TGM4: variants seen among roughly 807,000 people sequenced by gnomAD.
TGM4 encodes the protein transglutaminase 4, also known as protein-glutamine gamma-glutamyltransferase 4.
In TGM4, 61 loss-of-function variants were observed where a neutral mutation model predicts 76.3. The ratio of observed to expected loss-of-function variants is 0.80; its 90% CI spans 0.65 to 0.99. The LOEUF (loss-of-function observed/expected upper bound fraction) is 0.99. Ranked by LOEUF, TGM4 falls within the 50% of genes least tolerant of loss-of-function variation. TGM4 has a pLI of 0.00. For synonymous variants in TGM4, 337 were observed against 329.8 expected, an observed-to-expected ratio of 1.02 and a Z score of -0.24; for missense variants, 794 against 843.2, an observed-to-expected ratio of 0.94 and a Z score of 0.72.
rs769885940 is a variant in TGM4, at chr3:44,910,329, CTG to C, written c.1572_1573del (p.Cys524Ter). ...QLYTGKKMAKLCDLNKTSQIQ... is the reference protein window; with the variant it reads ...QLYTGKKMAKXCDLNKTSQIQ... ...GTACACTGGCAAGAAGATGGCAAAA[CTG>C]TGTGACCTCAATAAGACCTCGCAGA... On this transcript the variant is annotated frameshift_variant, in exon 11 of 14. Transcript: ENST00000296125. LOFTEE classifies it high-confidence loss of function. 6.2e-7 allele frequency: 1 copy of C among 1,614,160 alleles called. No homozygotes were observed. Among genetic ancestry groups the C allele is most frequent in the Non-Finnish European group, 8.5e-7 (1 of 1,180,044 alleles).
In TGM4 at chr3:44,882,113, G is replaced by A. The variant is rs114134031; in HGVS notation, c.20-3212G>A. On this transcript the variant is annotated intron_variant, in intron 1 of 13. Transcript: ENST00000296125. ...GTCTCACTTTGTTGCCCAGGCTGGC[G>A]TGTTGTGGCTATTCACAGCTGCAAT... 2.2e-3 allele frequency among the ~76,000 whole-genome samples: 306 copies of A among 137,212 alleles called. 1 individual carries two copies. Among genetic ancestry groups the A allele is most frequent in the Non-Finnish European group, 3.6e-3 (240 of 66,044 alleles). 90.0% of individuals were successfully genotyped at this position (137,212 alleles called of 152,430 possible).
At position 44,914,060 on chromosome 3, in the gene TGM4, T is replaced by G. The variant is rs1195567234; in HGVS notation, c.*335T>G. On this transcript the variant is annotated 3_prime_UTR_variant, in exon 14 of 14. Coordinates refer to ENST00000296125, the MANE Select transcript of TGM4 (RefSeq NM_003241.4). Reference sequence around the variant, plus strand: ...AGAGTCTCTCCCTGGAGCAGCAGACTATGGGCAGCCCAGTGCTGCCACCTG... The same window carrying G: ...AGAGTCTCTCCCTGGAGCAGCAGACGATGGGCAGCCCAGTGCTGCCACCTG... 3 of 231,396 alleles carry G rather than the reference T, an allele frequency of 1.3e-5. No individual in the cohort carries two copies. Among genetic ancestry groups the G allele is most frequent in the Non-Finnish European group, 2.5e-5 (3 of 118,042 alleles). 14.3% of individuals were successfully genotyped at this position (231,396 alleles called of 1,614,324 possible).
intron 1 of TGM4, among the ~76,000 whole-genome samples, chr3:44,875,990 G>T (rs1470367730): frequency 6.6e-6 from 1 of 152,192 alleles, no homozygotes; most frequent in Non-Finnish European, 1.5e-5. Context: ...CTGTGGCTTT[G>T]GGCAGGTTAC....
At chr3:44,895,696 G>A (rs1699770289) in intron 5 of TGM4, among the ~76,000 whole-genome samples, 1 of 152,170 alleles carries the variant, frequency 6.6e-6, no homozygotes, top group African/African-American at 2.4e-5. Flanking sequence ...AACTCCCCCA[G>A]ACTCCTTCTG....
intron 6 of TGM4, among the ~76,000 whole-genome samples, chr3:44,897,042 C>T (rs1289096198): frequency 1.4e-5 from 2 of 139,856 alleles, no homozygotes; most frequent in Non-Finnish European, 3.0e-5. Flanking sequence ...CTCATTCTGT[C>T]ACCCTGGCTG....
intron 3 of TGM4, chr3:44,887,998 A>G: frequency 1.7e-6 from 1 of 580,480 alleles, no homozygotes; most frequent in Non-Finnish European, 3.1e-6. Flanking sequence ...CGCTGTGGCC[A>G]AACCTCCTAC....
intron 11 of TGM4, 150 bp downstream of exon 11, chr3:44,910,518 A>G (rs1699989261): frequency 3.8e-6 from 4 of 1,063,884 alleles, no homozygotes; most frequent in Non-Finnish European, 5.3e-6. Flanking sequence ...ACCCCTTGGT[A>G]GTCACAAGAA....
intron 3 of TGM4, 77 bp downstream of exon 3, chr3:44,887,872 C>T (rs1397101969): frequency 7.9e-7 from 1 of 1,262,784 alleles, no homozygotes; most frequent in East Asian, 2.4e-5. Flanking sequence ...CCCCTATCCC[C>T]TTCCTCACCT....
Sources: gnomAD v4.1 joint callset for allele counts (sites outside exome capture counted in the v4.1 genomes callset) on GRCh38, gnomAD v4.1.1 for gene constraint, MANE v1.5 for transcripts, NCBI Gene and HGNC (gene_info 2026-07-23, HGNC 2026-07-21) for gene names.